CFI: variants seen among roughly 807,000 people sequenced by gnomAD.
CFI encodes complement factor I, also known as C3B/C4B inactivator.
In CFI, 66 loss-of-function variants were observed where a neutral mutation model predicts 78.8. That is an observed-to-expected ratio of 0.84 (90% CI 0.69 to 1.03). CFI has a LOEUF of 1.03. Among genes scored for constraint, CFI ranks in the 50% least tolerant of loss-of-function variants. The probability of loss-of-function intolerance (pLI) is 0.00; values close to 1 mark genes in which losing one functional copy is unlikely to be tolerated. For synonymous variants in CFI, 250 were observed against 232.6 expected, an observed-to-expected ratio of 1.07 and a Z score of -0.68; for missense variants, 706 against 704.5, an observed-to-expected ratio of 1.00 and a Z score of -0.02.
intron 1 of CFI, among the ~76,000 whole-genome samples, chr4:109,774,895 C>T (rs1729029162): frequency 1.3e-5 from 2 of 152,076 alleles, no homozygotes; most frequent in African/African-American, 4.8e-5. Context: ...CTTAGAATGT[C>T]AATTTGTGCT....
intron 1 of CFI, among the ~76,000 whole-genome samples, chr4:109,799,280 TG>T (rs1343494774): frequency 6.6e-6 from 1 of 152,232 alleles, no homozygotes; most frequent in East Asian, 1.9e-4. Flanking sequence ...GCCTGTGCTT[TG>T]TAATATTAAT....
At chr4:109,761,487 G>A (rs200040240) in intron 4 of CFI, 30 bp downstream of exon 4, 477 of 1,608,990 alleles carry the variant, frequency 3.0e-4, no homozygotes, top group Non-Finnish European at 3.7e-4. Context: ...CTTCAAGGAA[G>A]GGAAAATAAC....
At chr4:109,736,290 C>T (rs1396060078), downstream of CFI, among the ~76,000 whole-genome samples, 2 of 151,920 alleles carry the variant, frequency 1.3e-5, no homozygotes, top group African/African-American at 2.4e-5. Context: ...TGGGCCTTGC[C>T]TGCTACTGCC....
At chr4:109,759,292 G>A (rs943436960) in intron 6 of CFI, among the ~76,000 whole-genome samples, 1 of 151,648 alleles carries the variant, frequency 6.6e-6, no homozygotes, top group East Asian at 1.9e-4. Context: ...AAAAAATTGG[G>A]GTAGGGAGGT....
rs1355565845 is a variant in CFI at position 109,760,451 on chromosome 4, T to C, written c.773-71A>G. 7 of 1,495,928 alleles carry C rather than the reference T, an allele frequency of 4.7e-6. No homozygotes were observed. The African/African-American group carries it at 8.3e-5, about 18-fold the overall frequency. 92.7% of individuals were successfully genotyped at this position (1,495,928 alleles called of 1,614,324 possible). A position where few individuals can be genotyped will look rare whatever the true frequency, so the allele number is the denominator to read the frequency against. On this transcript the variant is annotated intron_variant, in intron 5 of 12. Transcript: ENST00000394634. The stretch of plus-strand genomic sequence containing the variant: ...GAATGAGGTACAATATAAAATTCAA[T>C]AGTAAAGTTGCTTTTCCTCTTTTAG...
the CFI span, among the ~76,000 whole-genome samples, chr4:109,732,246 G>A: frequency 6.6e-6 from 1 of 151,938 alleles, no homozygotes; most frequent in Admixed American, 6.5e-5. Flanking sequence ...CTCTCCTTAG[G>A]GATTAAATTC....
At chr4:109,743,188 G>A (rs1378749929) in intron 11 of CFI, among the ~76,000 whole-genome samples, 1 of 152,244 alleles carries the variant, frequency 6.6e-6, no homozygotes, top group Admixed American at 6.5e-5. Context: ...ATGAGCCATC[G>A]TGCCCAGCCA....
chr4:109,768,471 A>G (rs1450646660), intron 1 of CFI, among the ~76,000 whole-genome samples: 1 of 152,096 alleles, frequency 6.6e-6, no homozygotes, highest in African/African-American at 2.4e-5. Context: ...ATGAGATAAT[A>G]TCTCCTATTT....
At chr4:109,753,633 A>G (rs1392696737) in intron 7 of CFI, among the ~76,000 whole-genome samples, 46 of 86,778 alleles carry the variant, frequency 5.3e-4, no homozygotes, top group Non-Finnish European at 7.9e-4. Flanking sequence ...TTATTATAAT[A>G]TGTATAATTT....
At chr4:109,740,477 A>T (rs1723657762), downstream of CFI, among the ~76,000 whole-genome samples, 1 of 152,192 alleles carries the variant, frequency 6.6e-6, no homozygotes, top group African/African-American at 2.4e-5. Context: ...TTATGTAAGT[A>T]TGTAGTTTCA....
Position 109,783,882 on chromosome 4 carries a change from CA to C in CFI, c.58-17059del, listed in dbSNP as rs1730394390. On this transcript the variant is annotated intron_variant, in intron 1 of 12. Coordinates refer to ENST00000394634, the MANE Select transcript of CFI (RefSeq NM_000204.5). ...AAAAGGAATGAATTAACAGCATTTG[CA>C]GTGACCTGGATGAGATTGGAGACTA... Among the ~76,000 whole-genome samples the C allele has an allele frequency of 6.1e-5, 9 of 146,870 alleles. No homozygotes were observed. The South Asian group carries it at 1.9e-3, about 32-fold the overall frequency.
intron 1 of CFI, among the ~76,000 whole-genome samples, chr4:109,769,139 G>A (rs753338878): frequency 3.9e-5 from 6 of 152,182 alleles, no homozygotes; most frequent in Non-Finnish European, 7.3e-5. Context: ...CTCATTGGAT[G>A]AGAAATCCAA....
At chr4:109,797,656 A>G (rs1031017290) in intron 1 of CFI, among the ~76,000 whole-genome samples, 2 of 152,232 alleles carry the variant, frequency 1.3e-5, no homozygotes, top group African/African-American at 4.8e-5. Flanking sequence ...TGCAAACTAT[A>G]CATCTGGTAA....
At chr4:109,773,992 G>A in intron 1 of CFI, among the ~76,000 whole-genome samples, 1 of 152,174 alleles carries the variant, frequency 6.6e-6, no homozygotes, top group Non-Finnish European at 1.5e-5. Flanking sequence ...CACATCTTGG[G>A]ATATATGAAA....
chr4:109,788,338 A>G (rs1229755031), intron 1 of CFI, among the ~76,000 whole-genome samples: 2 of 152,114 alleles, frequency 1.3e-5, no homozygotes, highest in Admixed American at 6.6e-5. Context: ...TTGCATTCCC[A>G]TCATCAATAT....
chr4:109,791,678 C>T (rs1053782981), intron 1 of CFI, among the ~76,000 whole-genome samples: 9 of 152,168 alleles, frequency 5.9e-5, no homozygotes, highest in Non-Finnish European at 1.3e-4. Context: ...GTTATCCCAG[C>T]ATCATTTATT....
At position 109,746,117 on chromosome 4, in the gene CFI, G is replaced by C. The variant is rs1724382498; in HGVS notation, c.1429+105C>G. 7 of 1,313,886 alleles carry C rather than the reference G, an allele frequency of 5.3e-6. No individual in the cohort carries two copies. The South Asian group carries it at 8.8e-5, about 17-fold the overall frequency. 81.4% of individuals were successfully genotyped at this position (1,313,886 alleles called of 1,614,324 possible). A position where few individuals can be genotyped will look rare whatever the true frequency, so the allele number is the denominator to read the frequency against. On this transcript the variant is annotated intron_variant, in intron 11 of 12. Coordinates refer to ENST00000394634, the MANE Select transcript of CFI (RefSeq NM_000204.5). ...GCTGGATGTTTACTTTTCTGGATAT[G>C]ATGTTATGCTTCTCTCTGAGTGCTA...
chr4:109,793,513 A>T (rs1199132596), intron 1 of CFI: 1 of 152,114 alleles, frequency 6.6e-6, no homozygotes. Context: ...TCTGACTTGC[A>T]CTGTATTTCT....
the CFI span, among the ~76,000 whole-genome samples, chr4:109,735,307 G>T: frequency 1.3e-5 from 2 of 152,106 alleles, no homozygotes; most frequent in African/African-American, 2.4e-5. Context: ...AGGATAGGCA[G>T]TCAGATCTCA....
Sources: gnomAD v4.1 joint callset for allele counts (sites outside exome capture counted in the v4.1 genomes callset) on GRCh38, gnomAD v4.1.1 for gene constraint, MANE v1.5 for transcripts, NCBI Gene and HGNC (gene_info 2026-07-23, HGNC 2026-07-21) for gene names.